SYCP1: variants seen among roughly 807,000 people sequenced by gnomAD.
The protein encoded by SYCP1 is cancer/testis antigen 8.
Under a neutral mutation model 153.1 loss-of-function variants are expected in SYCP1, and 64 were observed. The observed-to-expected ratio is 0.42, with a 90% CI of 0.34 to 0.51. SYCP1 has a LOEUF of 0.51. Ranked by LOEUF, SYCP1 falls within the 20% of genes least tolerant of loss-of-function variation. SYCP1 has a pLI of 0.06. For missense variants in SYCP1, 997 were observed against 1,049.0 expected (o/e 0.95, Z 0.68); for synonymous variants, 384 against 341.8 (o/e 1.12, Z -1.36).
At chr1:114,984,638 A>C in intron 29 of SYCP1, 87 bp from the exon 30 acceptor site, 1 of 1,123,432 alleles carries the variant, frequency 8.9e-7, no homozygotes, top group Non-Finnish European at 1.2e-6. Flanking sequence ...AAGGACTCAA[A>C]TTGCCTTAAA....
chr1:114,907,190 A>C (rs532952662), intron 16 of SYCP1, among the ~76,000 whole-genome samples: 1 of 152,286 alleles, frequency 6.6e-6, no homozygotes, highest in African/African-American at 2.4e-5. Context: ...TACAACCTAC[A>C]TTTGACTTTA....
At chr1:114,882,235 G>A (rs1281806909) in intron 12 of SYCP1, among the ~76,000 whole-genome samples, 5 of 151,792 alleles carry the variant, frequency 3.3e-5, no homozygotes, top group Non-Finnish European at 5.9e-5. Flanking sequence ...AACCAAACCC[G>A]AAACCAAAAT....
intron 7 of SYCP1, among the ~76,000 whole-genome samples, chr1:114,860,140 A>C (rs571069204): frequency 2.5e-4 from 38 of 152,164 alleles, no homozygotes; most frequent in Non-Finnish European, 4.6e-4. Flanking sequence ...AGTACTTATA[A>C]AACAGGACTT....
At chr1:114,931,779 A>C (rs1027564916) in intron 23 of SYCP1, among the ~76,000 whole-genome samples, 7 of 152,302 alleles carry the variant, frequency 4.6e-5, no homozygotes, top group Admixed American at 4.6e-4. Context: ...AAGTAGAACA[A>C]AATTGGAAGA....
rs1271141239 is a variant in SYCP1, at chr1:114,994,771, T to C, written c.2777T>C (p.Val926Ala). The C allele has an allele frequency of 1.3e-6, 2 of 1,591,306 alleles. No homozygotes were observed. The highest frequency in any genetic ancestry group is 2.7e-5 in the African/African-American group (2 of 73,254). ...NNNPPASHLCVKTPKKAPSSL... is the reference protein window; with the variant it reads ...NNNPPASHLCAKTPKKAPSSL... ...AATCCACCAGCTTCTCATCTTTGTGTCAAAACACCAAAAAAGGTAGCTTTT... is the reference window on the plus strand; with the variant it reads ...AATCCACCAGCTTCTCATCTTTGTGCCAAAACACCAAAAAAGGTAGCTTTT... Residue 926 changes from valine to alanine, a missense_variant, in exon 31 of 32, where the codon GTC becomes GCC. Val to Ala is a moderately conservative substitution (Grantham distance 64). This residue lies in a region of SYCP1 where 712 missense variants were observed against 682.9 expected (regional missense o/e 1.04). Coordinates refer to ENST00000369522, the MANE Select transcript of SYCP1 (RefSeq NM_003176.4).
chr1:114,871,250 C>A (rs1557758521), intron 8 of SYCP1, among the ~76,000 whole-genome samples: 2 of 151,870 alleles, frequency 1.3e-5, no homozygotes. Context: ...TCACCACAAC[C>A]TCCACCTTCC....
chr1:114,905,393 C>T (rs1667746293), intron 16 of SYCP1, among the ~76,000 whole-genome samples: 1 of 152,182 alleles, frequency 6.6e-6, no homozygotes, highest in South Asian at 2.1e-4. Context: ...CGTTAACCCC[C>T]AGACCCAAGG....
chr1:114,878,025 A>G, intron 11 of SYCP1, 69 bp from the exon 12 acceptor site: 2 of 872,560 alleles, frequency 2.3e-6, no homozygotes, highest in Non-Finnish European at 3.5e-6. Context: ...AAATAATTGT[A>G]GGTATTATAA....
intron 25 of SYCP1, among the ~76,000 whole-genome samples, chr1:114,946,077 C>A (rs1450650417): frequency 6.6e-6 from 1 of 151,822 alleles, no homozygotes; most frequent in East Asian, 1.9e-4. Flanking sequence ...TTGTGTGTTT[C>A]ACTATTGAGG....
In SYCP1 at chr1:114,894,184, T is replaced by G. The variant is rs1666911692; in HGVS notation, c.1259-1264T>G. ...AGTATTTTTACCTGAAATAACACTT[T>G]CTAGTTAAATAAGCTATGTATACGC... On this transcript the variant is annotated intron_variant, in intron 15 of 31. Coordinates refer to ENST00000369522, the MANE Select transcript of SYCP1 (RefSeq NM_003176.4). Among the ~76,000 whole-genome samples the G allele has an allele frequency of 1.3e-5, 2 of 152,140 alleles. 1 individual carries two copies. The highest frequency in any genetic ancestry group is 4.1e-4 in the South Asian group (2 of 4,830).
chr1:114,925,235 T>G (rs764834356), intron 21 of SYCP1, among the ~76,000 whole-genome samples: 10 of 152,150 alleles, frequency 6.6e-5, no homozygotes, highest in Non-Finnish European at 1.3e-4. Flanking sequence ...GGTATGTAAT[T>G]CACTACTTTA....
At chr1:114,953,791 A>G (rs1202823062) in intron 27 of SYCP1, among the ~76,000 whole-genome samples, 2 of 152,154 alleles carry the variant, frequency 1.3e-5, no homozygotes, top group African/African-American at 2.4e-5. Flanking sequence ...TACTTTCCAT[A>G]TATTTTAGAA....
intron 29 of SYCP1, among the ~76,000 whole-genome samples, chr1:114,982,558 G>A (rs2101953632): frequency 6.6e-6 from 1 of 151,274 alleles, no homozygotes; most frequent in East Asian, 2.0e-4. Flanking sequence ...ATTTCTATTT[G>A]GTTCTTTTGA....
intron 15 of SYCP1, among the ~76,000 whole-genome samples, chr1:114,889,046 T>C (rs1292657550): frequency 6.6e-6 from 1 of 152,216 alleles, no homozygotes; most frequent in African/African-American, 2.4e-5. Flanking sequence ...CATTCTTTTT[T>C]ATGGCTGCGT....
intron 6 of SYCP1, among the ~76,000 whole-genome samples, 169 bp downstream of exon 6, chr1:114,858,880 A>G (rs1194347171): frequency 1.3e-5 from 2 of 152,232 alleles, no homozygotes; most frequent in Admixed American, 6.5e-5. Context: ...TTTAACTTTA[A>G]GAATGAGCAT....
At chr1:114,889,930 GGAA>G (rs1379465922) in intron 15 of SYCP1, among the ~76,000 whole-genome samples, 3 of 151,950 alleles carry the variant, frequency 2.0e-5, no homozygotes, top group Admixed American at 6.6e-5. Context: ...CTTAGGCTAA[GGAA>G]GAATTTTGTT....
Position 114,855,426 on chromosome 1 carries a change from C to G in SYCP1, c.-24-15C>G. The G allele has an allele frequency of 6.5e-7, 1 of 1,546,022 alleles. No homozygotes were observed. The highest frequency in any genetic ancestry group is 8.8e-7 in the Non-Finnish European group (1 of 1,134,006). ...AAAAAACTTTCCTTCCCCTCCCGCC[C>G]CCCCGGGGCAGTAGATATTTACAAC... On this transcript the variant is annotated splice_polypyrimidine_tract_variant and intron_variant, in intron 1 of 31. Coordinates refer to ENST00000369522, the MANE Select transcript of SYCP1 (RefSeq NM_003176.4).
chr1:114,897,310 G>A (rs73000547), intron 16 of SYCP1, among the ~76,000 whole-genome samples: 2,323 of 152,246 alleles, frequency 0.015, 54 homozygotes, highest in African/African-American at 0.053. Context: ...TTGCATGACC[G>A]TTTTGGAGTT....
chr1:114,882,388 A>G (rs1436196411), intron 12 of SYCP1, among the ~76,000 whole-genome samples: 2 of 152,034 alleles, frequency 1.3e-5, no homozygotes, highest in East Asian at 1.9e-4. Flanking sequence ...TATTTCTCAC[A>G]CATCATGAAA....
Sources: gnomAD v4.1 joint callset for allele counts (sites outside exome capture counted in the v4.1 genomes callset) on GRCh38, gnomAD v4.1.1 for gene constraint, gnomAD v4.1.1 regional missense constraint, MANE v1.5 for transcripts, NCBI Gene and HGNC (gene_info 2026-07-23, HGNC 2026-07-21) for gene names.